The following SLIT3 variants were observed in gnomAD, a reference collection of about 807,000 sequenced individuals.
The protein encoded by SLIT3 is slit guidance ligand 3, also known as slit homolog 3 protein.
SLIT3 carries 68 observed loss-of-function variants against 184.0 expected under a neutral mutation model. That is an observed-to-expected ratio of 0.37 (90% CI 0.30 to 0.45). The LOEUF is 0.45. Ranked by LOEUF, SLIT3 falls within the 20% of genes least tolerant of loss-of-function variation. The pLI is 1.00. For missense variants in SLIT3, 1,707 were observed against 2,026.0 expected (o/e 0.84, Z 3.02); for synonymous variants, 831 against 828.6 (o/e 1.00, Z -0.05).
intron 26 of SLIT3, among the ~76,000 whole-genome samples, chr5:168,700,992 G>C (rs1225371527): frequency 2.0e-5 from 3 of 152,242 alleles, no homozygotes; most frequent in African/African-American, 7.2e-5. Context: ...TTCAGGCAAA[G>C]CTGAATTCAC....
Position 168,772,818 on chromosome 5 carries a change from G to A in SLIT3, c.1422C>T (p.Arg474=), listed in dbSNP as rs758416893. The part of the protein sequence containing the change: ...CSSPRRLANK[R]ISQIKSKKFR... ...ACTTCTTGCTCTTGATCTGGCTGAT[G>A]CGCTTGTTGGCGAGTCGGCGCGGGC... Residue 474 remains arginine, a synonymous_variant, in exon 14 of 36, where the codon CGC becomes CGT. Coordinates refer to ENST00000519560, the MANE Select transcript of SLIT3 (RefSeq NM_003062.4). The A allele has an allele frequency of 1.6e-5, 26 of 1,614,066 alleles. No individual in the cohort carries two copies. The South Asian group carries it at 1.6e-4, about 10-fold the overall frequency.
chr5:168,757,453 A>G (rs1299965975), intron 16 of SLIT3, among the ~76,000 whole-genome samples: 11 of 152,016 alleles, frequency 7.2e-5, no homozygotes, highest in Non-Finnish European at 5.9e-5. Flanking sequence ...TGTTTTTTTG[A>G]GACGGAGTCT....
intron 12 of SLIT3, among the ~76,000 whole-genome samples, chr5:168,777,389 G>A (rs1755800310): frequency 6.6e-6 from 1 of 152,198 alleles, no homozygotes; most frequent in Non-Finnish European, 1.5e-5. Flanking sequence ...TTAGGCACTA[G>A]ACAAGGACGA....
chr5:169,077,510 G>C (rs890718198), intron 4 of SLIT3, among the ~76,000 whole-genome samples: 1 of 152,120 alleles, frequency 6.6e-6, no homozygotes, highest in African/African-American at 2.4e-5. Context: ...CTGCACTCCA[G>C]CCTGGGTGAC....
At chr5:169,199,233 A>G (rs1263898394) in intron 3 of SLIT3, among the ~76,000 whole-genome samples, 1 of 148,614 alleles carries the variant, frequency 6.7e-6, no homozygotes, top group Non-Finnish European at 1.5e-5. Flanking sequence ...GATGTACGTG[A>G]GGATTGGTCT....
At chr5:169,123,921 A>G (rs1396817594) in intron 4 of SLIT3, among the ~76,000 whole-genome samples, 1 of 152,188 alleles carries the variant, frequency 6.6e-6, no homozygotes, top group African/African-American at 2.4e-5. Context: ...AAAGTTAGCC[A>G]AAGTTTTAGC....
chr5:168,892,196 A>C (rs149444066), intron 4 of SLIT3, among the ~76,000 whole-genome samples: 1 of 152,254 alleles, frequency 6.6e-6, no homozygotes. Flanking sequence ...ATTTAACTCA[A>C]TATATCCAAA....
intron 26 of SLIT3, among the ~76,000 whole-genome samples, chr5:168,705,457 A>G (rs1264187112): frequency 6.6e-6 from 1 of 152,114 alleles, no homozygotes; most frequent in Non-Finnish European, 1.5e-5. Context: ...CATCACCACC[A>G]TCTGTACCAT....
chr5:168,961,858 A>ATT (rs1763020759), intron 4 of SLIT3, among the ~76,000 whole-genome samples: 1 of 148,414 alleles, frequency 6.7e-6, no homozygotes, highest in Non-Finnish European at 1.5e-5. Flanking sequence ...GCATGCACGC[A>ATT]TGTGTGTGTG....
chr5:168,867,025 G>T (rs558834205), intron 5 of SLIT3, among the ~76,000 whole-genome samples: 1 of 152,110 alleles, frequency 6.6e-6, no homozygotes, highest in African/African-American at 2.4e-5. Flanking sequence ...CATGCCAGTC[G>T]TTCTCAAAAG....
At position 168,662,437 on chromosome 5, in the gene SLIT3, C is replaced by T. The variant is rs1760892758; in HGVS notation, c.*4017G>A. ...GGTCCTGGCCTTTCCTGAAGGTCAC[C>T]CTGGGGCTCTTTTCCCCCACCTTTT... On this transcript the variant is annotated 3_prime_UTR_variant, in exon 36 of 36. Transcript: ENST00000519560. 6.6e-6 allele frequency: 1 copy of T among 152,200 alleles called. No individual in the cohort carries two copies. Among genetic ancestry groups the T allele is most frequent in the Non-Finnish European group, 1.5e-5 (1 of 68,072 alleles). 9.4% of individuals were successfully genotyped at this position (152,200 alleles called of 1,614,324 possible).
chr5:168,904,711 C>T (rs1760988255), intron 4 of SLIT3, among the ~76,000 whole-genome samples: 1 of 152,072 alleles, frequency 6.6e-6, no homozygotes, highest in Admixed American at 6.5e-5. Context: ...CATGTGTGTG[C>T]AATTAGAGAA....
At chr5:168,794,371 G>A (rs2113600295) in intron 10 of SLIT3, among the ~76,000 whole-genome samples, 1 of 130,448 alleles carries the variant, frequency 7.7e-6, no homozygotes, top group Non-Finnish European at 1.6e-5. Context: ...GGCAATGGTT[G>A]GGCTGTTTCT....
chr5:169,125,403 C>T (rs75297118), intron 4 of SLIT3, among the ~76,000 whole-genome samples: 2 of 152,184 alleles, frequency 1.3e-5, no homozygotes, highest in African/African-American at 4.8e-5. Context: ...AAAGCCTTCT[C>T]GCTGGAAACA....
intron 3 of SLIT3, among the ~76,000 whole-genome samples, chr5:169,193,917 C>A (rs114535497): frequency 6.6e-6 from 1 of 152,078 alleles, no homozygotes; most frequent in Admixed American, 6.6e-5. Flanking sequence ...AGTGATGAAA[C>A]TGGCATGTGA....
intron 4 of SLIT3, among the ~76,000 whole-genome samples, chr5:169,052,495 G>A (rs1392141539): frequency 6.6e-6 from 1 of 152,152 alleles, no homozygotes; most frequent in Non-Finnish European, 1.5e-5. Flanking sequence ...AAGAGCAGAG[G>A]TGGTTTTCCC....
At chr5:169,142,049 C>CAAAAAA in intron 4 of SLIT3, among the ~76,000 whole-genome samples, 1 of 106,672 alleles carries the variant, frequency 9.4e-6, no homozygotes, top group African/African-American at 4.2e-5. Flanking sequence ...GACTCCTACT[C>CAAAAAA]AAAAAAAAAA....
intron 4 of SLIT3, among the ~76,000 whole-genome samples, chr5:169,082,125 T>C (rs1381944332): frequency 1.3e-5 from 2 of 152,182 alleles, no homozygotes; most frequent in African/African-American, 4.8e-5. Flanking sequence ...ATGCAGTAAG[T>C]GTCCTTAGCA....
In SLIT3 at chr5:168,662,670, A is replaced by G. The variant is rs1760906850; in HGVS notation, c.*3784T>C. 6.6e-6 allele frequency: 1 copy of G among 152,260 alleles called. No homozygotes were observed. The highest frequency in any genetic ancestry group is 2.4e-5 in the African/African-American group (1 of 41,472). 9.4% of individuals were successfully genotyped at this position (152,260 alleles called of 1,614,324 possible). On this transcript the variant is annotated 3_prime_UTR_variant, in exon 36 of 36. Coordinates refer to ENST00000519560, the MANE Select transcript of SLIT3 (RefSeq NM_003062.4). ...GTTTTTAGTTTACACTTTACAAAGA[A>G]CTTTTAAATACATAATCTCATCGGC...
Sources: gnomAD v4.1 joint callset for allele counts (sites outside exome capture counted in the v4.1 genomes callset) on GRCh38, gnomAD v4.1.1 for gene constraint, MANE v1.5 for transcripts, NCBI Gene and HGNC (gene_info 2026-07-23, HGNC 2026-07-21) for gene names.